The following ARHGAP21 variants were observed in gnomAD, a reference collection of about 807,000 sequenced individuals.
ARHGAP21 encodes the protein rho GTPase-activating protein 21.
Under a neutral mutation model 164.6 loss-of-function variants are expected in ARHGAP21, and 38 were observed. That is an observed-to-expected ratio of 0.23 (90% CI 0.18 to 0.30). The LOEUF (loss-of-function observed/expected upper bound fraction) is 0.30, where lower values mean the gene tolerates loss of function less well. Ranked by LOEUF, ARHGAP21 falls within the 10% of genes least tolerant of loss-of-function variation. The pLI, the probability that ARHGAP21 is intolerant of heterozygous loss-of-function variation, is 1.00. For synonymous variants in ARHGAP21, 766 were observed against 857.9 expected, an observed-to-expected ratio of 0.89 and a Z score of 1.87; for missense variants, 1,822 against 2,370.7, an observed-to-expected ratio of 0.77 and a Z score of 4.81.
At chr10:24,642,342 C>A (rs11014190) in intron 4 of ARHGAP21, among the ~76,000 whole-genome samples, 3 of 151,292 alleles carry the variant, frequency 2.0e-5, no homozygotes, top group African/African-American at 7.3e-5. Context: ...GGTGAAACCC[C>A]GTCTCTACTA....
At position 24,620,709 on chromosome 10, in the gene ARHGAP21, T is replaced by C. The variant is rs142708046; in HGVS notation, c.1186A>G (p.Ile396Val). 2.1e-3 allele frequency: 3,417 copies of C among 1,614,220 alleles called. 9 individuals carry two copies. The highest frequency in any genetic ancestry group is 2.6e-3 in the Non-Finnish European group (3,043 of 1,180,030). Residue 396 changes from isoleucine to valine, a missense_variant, in exon 9 of 26, where the codon ATT (isoleucine) becomes GTT (valine). By Grantham distance (29) the Ile-to-Val change is conservative (BLOSUM62 3). Transcript: ENST00000396432. The stretch of plus-strand genomic sequence containing the variant: ...CCTATGTGCAATCGTCTGTTATCAA[T>C]ATACTCTTTGTAAGTTTTATAGTTT... ...WKNYKTYKEY[I>V]DNRRLHIGCR...
chr10:24,663,998 G>C (rs1839946773), intron 4 of ARHGAP21, among the ~76,000 whole-genome samples: 1 of 152,176 alleles, frequency 6.6e-6, no homozygotes, highest in Non-Finnish European at 1.5e-5. Flanking sequence ...ATCCCCAGCT[G>C]AGAAGCGCTT....
chr10:24,584,469 T>C lies in ARHGAP21; in HGVS notation c.5820A>G (p.Gln1940=), dbSNP rs770237265. The C allele has an allele frequency of 2.5e-6, 4 of 1,613,914 alleles. No homozygotes were observed. The highest frequency in any genetic ancestry group is 2.2e-5 in the South Asian group (2 of 91,074). ...CTGGGGTTTCAGACAGTTTATGAGG[T>C]TGGGCATTCGCTGCAGAACTAGCAT... is the stretch of plus-strand genomic sequence containing the variant. ...SKNASSAANA[Q]PHKLSETPGS... is the part of the protein sequence containing the mutation. Residue 1940 remains glutamine, a synonymous_variant, in exon 26 of 26, where the codon CAA becomes CAG. Transcript: ENST00000396432.
intron 2 of ARHGAP21, among the ~76,000 whole-genome samples, chr10:24,705,209 T>C (rs1394893223): frequency 6.6e-6 from 1 of 152,190 alleles, no homozygotes; most frequent in Non-Finnish European, 1.5e-5. Context: ...CGCTAAAAAA[T>C]TTTAAGTTTC....
Position 24,620,879 on chromosome 10 carries a change from A to T in ARHGAP21, c.1016T>A (p.Leu339Gln), listed in dbSNP as rs1442427666. 6.2e-7 allele frequency: 1 copy of T among 1,613,832 alleles called. No homozygotes were observed. The highest frequency in any genetic ancestry group is 1.3e-5 in the African/African-American group (1 of 74,910). ...LIHQPAGSRS[L>Q]EPSGILLKSG... ...CTTAAGTAAAATTCCAGAAGGTTCC[A>T]GTGATCTGGAGCCTGCAGGCTGATG... The change falls in exon 9 of 26, where the codon CTG (leucine) becomes CAG (glutamine). Residue 339 changes from leucine to glutamine, a missense_variant. By Grantham distance (113) the Leu-to-Gln change is moderately radical (BLOSUM62 -2). This residue lies in a region of ARHGAP21 where 1,090 missense variants were observed against 1,378.9 expected (regional missense o/e 0.79). Coordinates refer to ENST00000396432, the MANE Select transcript of ARHGAP21 (RefSeq NM_020824.4).
Position 24,634,992 on chromosome 10 carries a change from T to C in ARHGAP21, c.361+19A>G. 20 of 1,479,644 alleles carry C rather than the reference T, an allele frequency of 1.4e-5. No homozygotes were observed. Among genetic ancestry groups the C allele is most frequent in the Non-Finnish European group, 1.8e-5 (20 of 1,101,344 alleles). The allele number at this position is 1,479,644 out of a possible 1,614,324, so 91.7% of individuals were successfully genotyped here. A position where few individuals can be genotyped will look rare whatever the true frequency, so the allele number is the denominator to read the frequency against. ...GAAAAAGAAATTAAAACGTATTGTT[T>C]AAAGAAGAATATCAGCACCTGTACA... On this transcript the variant is annotated intron_variant, in intron 5 of 25. Transcript: ENST00000396432.
chr10:24,711,600 G>C (rs1844827347), intron 2 of ARHGAP21, among the ~76,000 whole-genome samples: 1 of 152,096 alleles, frequency 6.6e-6, no homozygotes, highest in African/African-American at 2.4e-5. Context: ...CTCAAAAAAA[G>C]ATAAGTGCAG....
At chr10:24,607,962 CTCAG>C (rs1282834471) in intron 9 of ARHGAP21, 59 bp from the exon 10 acceptor site, 2 of 1,476,742 alleles carry the variant, frequency 1.4e-6, no homozygotes, top group Admixed American at 2.2e-5. Context: ...AATAATAAAA[CTCAG>C]TCAATAATCA....
chr10:24,590,074 A>G, intron 24 of ARHGAP21: 2 of 761,318 alleles, frequency 2.6e-6, no homozygotes, highest in Non-Finnish European at 3.5e-6. Context: ...ATTCAGGATA[A>G]TACCAATTTT....
intron 2 of ARHGAP21, among the ~76,000 whole-genome samples, chr10:24,672,597 T>A (rs185337093): frequency 6.6e-6 from 1 of 152,332 alleles, no homozygotes; most frequent in Admixed American, 6.5e-5. Context: ...GCTGCTAAGA[T>A]TTTGTTTTAA....
chr10:24,695,357 T>C (rs931053394), intron 2 of ARHGAP21, among the ~76,000 whole-genome samples: 1 of 151,888 alleles, frequency 6.6e-6, no homozygotes, highest in African/African-American at 2.4e-5. Flanking sequence ...TCACTTGAAA[T>C]CATGAGTTTA....
At chr10:24,631,990 G>C (rs1835898056) in intron 6 of ARHGAP21, among the ~76,000 whole-genome samples, 1 of 152,092 alleles carries the variant, frequency 6.6e-6, no homozygotes, top group African/African-American at 2.4e-5. Flanking sequence ...TAAAATGCTG[G>C]GATTACAGGC....
At chr10:24,673,141 T>G (rs1412711363) in intron 2 of ARHGAP21, among the ~76,000 whole-genome samples, 3 of 152,230 alleles carry the variant, frequency 2.0e-5, no homozygotes, top group Non-Finnish European at 4.4e-5. Flanking sequence ...ATAAATCCAT[T>G]GCAATCCCAA....
chr10:24,592,242 C>A lies in ARHGAP21; in HGVS notation c.3877-230G>T, dbSNP rs7904331. On this transcript the variant is annotated intron_variant, in intron 21 of 25. Coordinates refer to ENST00000396432, the MANE Select transcript of ARHGAP21 (RefSeq NM_020824.4). ...GCAGTGGCATGATCACAGCTTACTG[C>A]ACTCTCGATAGAATCTTATTATGTT... Among the ~76,000 whole-genome samples, 441 of 145,462 alleles carry A rather than the reference C, an allele frequency of 3.0e-3. 1 individual carries two copies. The highest frequency in any genetic ancestry group is 0.011 in the African/African-American group (421 of 38,720).
At chr10:24,639,320 G>A (rs1263972226) in intron 4 of ARHGAP21, among the ~76,000 whole-genome samples, 38 of 152,108 alleles carry the variant, frequency 2.5e-4, no homozygotes, top group Non-Finnish European at 3.7e-4. Context: ...TGAATGATTT[G>A]TATGTGCCCC....
intron 2 of ARHGAP21, among the ~76,000 whole-genome samples, chr10:24,678,256 A>G (rs962053690): frequency 1.3e-5 from 2 of 152,108 alleles, no homozygotes; most frequent in African/African-American, 2.4e-5. Context: ...TGTTATTCAT[A>G]TTTCTCCAGT....
At chr10:24,616,054 G>A (rs996947953) in intron 9 of ARHGAP21, among the ~76,000 whole-genome samples, 38 of 151,966 alleles carry the variant, frequency 2.5e-4, no homozygotes, top group African/African-American at 7.7e-4. Context: ...CTGGGATTAC[G>A]GGCGCAAGCC....
chr10:24,723,317 C>A (rs1846115671), intron 1 of ARHGAP21: 1 of 148,902 alleles, frequency 6.7e-6, no homozygotes, highest in Non-Finnish European at 1.5e-5. Context: ...CCGGCCGGAC[C>A]CCAGCGCCCA....
intron 2 of ARHGAP21, among the ~76,000 whole-genome samples, chr10:24,671,723 AT>A (rs35051359): frequency 0.031 from 4,285 of 139,972 alleles, 97 homozygotes; most frequent in African/African-American, 0.08. Flanking sequence ...TCTTAACAAA[AT>A]TTTTTTTTTT....
Sources: gnomAD v4.1 joint callset for allele counts (sites outside exome capture counted in the v4.1 genomes callset) on GRCh38, gnomAD v4.1.1 for gene constraint, gnomAD v4.1.1 regional missense constraint, MANE v1.5 for transcripts, NCBI Gene and HGNC (gene_info 2026-07-23, HGNC 2026-07-21) for gene names.